ZBTB45: variants seen among roughly 807,000 people sequenced by gnomAD.
ZBTB45 encodes the protein zinc finger and BTB domain-containing protein 45.
ZBTB45 carries 22 observed loss-of-function variants against 28.4 expected under a neutral mutation model. The ratio of observed to expected loss-of-function variants is 0.77; its 90% confidence interval spans 0.55 to 1.10. The LOEUF (loss-of-function observed/expected upper bound fraction) is 1.10, where lower values mean the gene tolerates loss of function less well. ZBTB45 is among the 50% of genes least tolerant of loss of function. The pLI, the probability that ZBTB45 is intolerant of heterozygous loss-of-function variation, is 0.00. For synonymous variants in ZBTB45, 361 were observed against 332.3 expected (o/e 1.09, Z -0.94); for missense variants, 656 against 750.2 (o/e 0.87, Z 1.47).
At chr19:58,522,671 T>C (rs2053585024), upstream of ZBTB45, among the ~76,000 whole-genome samples, 1 of 152,126 alleles carries the variant, frequency 6.6e-6, no homozygotes, top group South Asian at 2.1e-4. Context: ...ACAAGTCTAA[T>C]AACCTGCCAT....
At chr19:58,523,820 G>T (rs1354636949), upstream of ZBTB45, among the ~76,000 whole-genome samples, 2 of 94,152 alleles carry the variant, frequency 2.1e-5, no homozygotes. Flanking sequence ...ACAGGCGCCC[G>T]CCACCAGGCC....
intron 1 of ZBTB45, chr19:58,518,895 C>T (rs1390390914): frequency 6.6e-6 from 1 of 152,220 alleles, no homozygotes; most frequent in African/African-American, 2.4e-5. Context: ...CACCCTCGGG[C>T]TCTACTGGGG....
rs764050115 is a variant in ZBTB45, at chr19:58,516,906, G to A, written c.768C>T (p.Pro256=). Residue 256 remains proline (P), a synonymous_variant, in exon 2 of 3, where the codon CCC becomes CCT. Transcript: ENST00000594051. This position sits in a 1 kb window ranked among gnomAD's most constrained non-coding sequence, Gnocchi z 6.2. ...TAAADSACEE[P]PAPTGLADYS... ...AGTCAGCGAGGCCAGTGGGTGCAGG[G>A]GGCTCCTCGCACGCGCTGTCAGCAG... 2.4e-5 allele frequency: 39 copies of A among 1,613,226 alleles called. No homozygotes were observed. Among genetic ancestry groups the A allele is most frequent in the Middle Eastern group, 1.6e-4 (1 of 6,082 alleles).
chr19:58,531,142 C>A (rs1297297359), intron 1 of ZBTB45, among the ~76,000 whole-genome samples: 1 of 152,194 alleles, frequency 6.6e-6, no homozygotes, highest in Non-Finnish European at 1.5e-5. Flanking sequence ...CACATCCTCA[C>A]TCTCACTTGT....
rs146456528 is a variant in ZBTB45, at chr19:58,525,375, A to G, written c.1-7702T>C. Among the ~76,000 whole-genome samples the G allele has an allele frequency of 7.7e-3, 1,168 of 152,302 alleles. 17 individuals are homozygous for G. Among genetic ancestry groups the G allele is most frequent in the African/African-American group, 0.027 (1,102 of 41,560 alleles). ...AGGCACTAAGCATATACCTGCAGAA[A>G]TGCTTCCTGGTTTAAGGCAGATAGC... On this transcript the variant is annotated intron_variant, in intron 1 of 1. Transcript: ENST00000600130.
upstream of ZBTB45, chr19:58,519,840 C>T (rs995864181): frequency 6.6e-6 from 1 of 152,380 alleles, no homozygotes; most frequent in African/African-American, 2.4e-5. Context: ...GGAACGGAGG[C>T]CTGCGGTCGC....
At chr19:58,526,752 C>T (rs905948827) in intron 1 of ZBTB45, among the ~76,000 whole-genome samples, 1 of 149,286 alleles carries the variant, frequency 6.7e-6, no homozygotes. Context: ...GGGATGGTCT[C>T]GATCTCCTGA....
At chr19:58,522,697 G>C (rs541481851), upstream of ZBTB45, among the ~76,000 whole-genome samples, 1 of 152,280 alleles carries the variant, frequency 6.6e-6, no homozygotes, top group South Asian at 2.1e-4. Flanking sequence ...TCTTTGTTCA[G>C]ACTCAAACCA....
At position 58,534,324 on chromosome 19, in the gene ZBTB45, A is replaced by G. The variant is rs2053649343; in HGVS notation, c.-1+4377T>C. Among the ~76,000 whole-genome samples the G allele has an allele frequency of 2.0e-5, 3 of 152,218 alleles. No individual in the cohort carries two copies. The South Asian group carries it at 6.2e-4, about 31-fold the overall frequency. On this transcript the variant is annotated intron_variant, in intron 1 of 1. Coordinates refer to the ZBTB45 transcript ENST00000600130. The stretch of plus-strand genomic sequence containing the variant: ...GGCTGCACAACATTGTGAATGCATG[A>G]AATGCCACTGAATGTACACTTTTAA...
chr19:58,514,264 T>G lies in ZBTB45; in HGVS notation c.1326A>C (p.Leu442=). The part of the protein sequence containing the change: ...QCAVCWRSFS[L]RDYLLKHMVT... ...CCATGTGTTTGAGCAGGTAGTCGCGTAGAGAGAAGGATCGCCAGCACACGG... is the reference window on the plus strand; with the variant it reads ...CCATGTGTTTGAGCAGGTAGTCGCGGAGAGAGAAGGATCGCCAGCACACGG... Residue 442 remains leucine (L), a synonymous_variant, in exon 3 of 3, where the codon CTA becomes CTC. Transcript: ENST00000594051. The G allele has an allele frequency of 6.2e-7, 1 of 1,611,204 alleles. No homozygotes were observed. The highest frequency in any genetic ancestry group is 8.5e-7 in the Non-Finnish European group (1 of 1,178,698).
rs2053646359 is a variant in ZBTB45 at position 58,533,786 on chromosome 19, C to G, written c.-1+4915G>C. ...TAGCTCCTCATTACAGTTAAAGAAACACCCAGCCAAAAGCCACATACGGTA... is the reference window on the plus strand; with the variant it reads ...TAGCTCCTCATTACAGTTAAAGAAAGACCCAGCCAAAAGCCACATACGGTA... On this transcript the variant is annotated intron_variant, in intron 1 of 1. Coordinates refer to the ZBTB45 transcript ENST00000600130. Among the ~76,000 whole-genome samples, 4 of 152,170 alleles carry G rather than the reference C, an allele frequency of 2.6e-5. No homozygotes were observed. In the South Asian group the frequency reaches 8.3e-4, roughly 32 times the overall value.
In ZBTB45 at chr19:58,517,397, C is replaced by T. The variant is rs200526639; in HGVS notation, c.277G>A (p.Val93Ile). 83 of 1,612,896 alleles carry T rather than the reference C, an allele frequency of 5.1e-5. No homozygotes were observed. In the African/African-American group the frequency reaches 8.7e-4, roughly 17 times the overall value. The change falls in exon 2 of 3, where the codon GTT becomes ATT. Residue 93 changes from valine to isoleucine, a missense_variant. Around this residue, in one of 3 missense-constraint regions of ZBTB45, gnomAD observed 105 missense variants for 152.4 expected, o/e 0.69. Transcript: ENST00000594051. Reference protein sequence around the residue: ...LVEFLYSGSLVVAQGEALQVL... With the variant: ...LVEFLYSGSLIVAQGEALQVL... ...TGCAGGGCTTCACCCTGCGCCACAA[C>T]GAGCGAACCGCTGTACAGGAACTCT...
At position 58,515,856 on chromosome 19, in the gene ZBTB45, G is replaced by T. The variant is rs1023230099; in HGVS notation, c.1279+539C>A. On this transcript the variant is annotated intron_variant, in intron 2 of 2. Coordinates refer to ENST00000594051, the MANE Select transcript of ZBTB45 (RefSeq NM_001316979.2). The surrounding 1 kb of genome is among the most constrained non-coding windows in gnomAD (Gnocchi z 4.7). ...GGGAACCTCCCCACAGCTTTTCGGG[G>T]TCCTCTGCAGCTGTGGAGTCCCCAC... is the stretch of plus-strand genomic sequence containing the variant. Among the ~76,000 whole-genome samples, 1 of 152,136 alleles carries T rather than the reference G, an allele frequency of 6.6e-6. No individual in the cohort carries two copies. The highest frequency in any genetic ancestry group is 1.5e-5 in the Non-Finnish European group (1 of 68,018).
rs2053510136 is a variant in ZBTB45 at position 58,516,934 on chromosome 19, G to A, written c.740C>T (p.Ala247Val). The A allele has an allele frequency of 3.1e-6, 5 of 1,613,318 alleles. No individual in the cohort carries two copies. The highest frequency in any genetic ancestry group is 4.2e-6 in the Non-Finnish European group (5 of 1,180,022). Residue 247 changes from alanine (A) to valine (V), a missense_variant, in exon 2 of 3, where the codon GCT (alanine) becomes GTT (valine). Transcript: ENST00000594051. This position sits in a 1 kb window ranked among gnomAD's most constrained non-coding sequence, Gnocchi z 6.2. ...FPDCAAGFLT[A>V]AADSACEEPP... ...CTCCTCGCACGCGCTGTCAGCAGCA[G>A]CAGTGAGGAAGCCAGCAGCACAGTC...
Position 58,538,377 on chromosome 19 carries a change from G to A in ZBTB45, c.-1+324C>T, listed in dbSNP as rs150061184. On this transcript the variant is annotated intron_variant, in intron 1 of 1. Transcript: ENST00000600130. ...TATTATCAGAGGAAGGAAGCCAGGG[G>A]CCAGGGCGTCTTCAGGGTGGTGGGC... Among the ~76,000 whole-genome samples the A allele has an allele frequency of 2.5e-3, 388 of 152,188 alleles. 1 individual carries two copies. Among genetic ancestry groups the A allele is most frequent in the Admixed American group, 6.4e-3 (98 of 15,288 alleles).
At chr19:58,532,251 C>T (rs1014229002) in intron 1 of ZBTB45, among the ~76,000 whole-genome samples, 2 of 152,082 alleles carry the variant, frequency 1.3e-5, no homozygotes, top group Non-Finnish European at 2.9e-5. Context: ...AACTCTGAAA[C>T]CTGGAAGTGT....
rs375511225 is a variant in ZBTB45, at chr19:58,517,445, C to T, written c.229G>A (p.Ala77Thr). 2 of 1,613,012 alleles carry T rather than the reference C, an allele frequency of 1.2e-6. No homozygotes were observed. The highest frequency in any genetic ancestry group is 1.1e-5 in the South Asian group (1 of 91,080). Residue 77 changes from alanine (A) to threonine (T), a missense_variant, in exon 2 of 3, where the codon GCG (alanine) becomes ACG (threonine). Transcript: ENST00000594051. ...TCTACCAGCTGTCGCACTGTCTGCGCGGGCACCACCGGAGGCACACGGATC... is the reference window on the plus strand; with the variant it reads ...TCTACCAGCTGTCGCACTGTCTGCGTGGGCACCACCGGAGGCACACGGATC... ...SEIRVPPVVP[A>T]QTVRQLVEFL...
intron 1 of ZBTB45, among the ~76,000 whole-genome samples, chr19:58,537,205 G>A (rs1438853976): frequency 6.6e-6 from 1 of 152,134 alleles, no homozygotes; most frequent in Admixed American, 6.6e-5. Flanking sequence ...TGGTGTCCTG[G>A]CACTTGCTGA....
intron 1 of ZBTB45, among the ~76,000 whole-genome samples, chr19:58,534,941 C>T (rs1372191283): frequency 2.0e-5 from 3 of 150,624 alleles, no homozygotes; most frequent in African/African-American, 7.3e-5. Flanking sequence ...CTACAACCTC[C>T]GCCTCCTGGG....
Sources: allele counts gnomAD v4.1 joint callset (sites outside exome capture counted in the v4.1 genomes callset), GRCh38; gene constraint gnomAD v4.1.1; regional missense constraint gnomAD v4.1.1; non-coding constraint Gnocchi (gnomAD v3.1); transcripts MANE v1.5; gene names NCBI Gene and HGNC (gene_info 2026-07-23, HGNC 2026-07-21).